Variants in MAST4 observed in about 807,000 individuals in gnomAD.
The protein encoded by MAST4 is microtubule associated serine/threonine kinase family member 4.
A neutral mutation model predicts 162.7 loss-of-function variants in MAST4; 89 were observed. That is an observed-to-expected ratio of 0.55 (90% CI 0.46 to 0.65). The LOEUF (loss-of-function observed/expected upper bound fraction) is 0.65. Ranked by LOEUF, MAST4 falls within the 30% of genes least tolerant of loss-of-function variation. The pLI is 0.00. For synonymous variants in MAST4, 1,479 were observed against 1,361.1 expected (o/e 1.09, Z -1.91); for missense variants, 3,153 against 3,374.0 (o/e 0.93, Z 1.62).
chr5:67,162,923 G>A, intron 28 of MAST4, 135 bp downstream of exon 28: 1 of 1,038,912 alleles, frequency 9.6e-7, no homozygotes, highest in Non-Finnish European at 1.4e-6. Context: ...GATTTATAGA[G>A]AGGTCATAAG....
intron 2 of MAST4, among the ~76,000 whole-genome samples, chr5:66,771,874 C>T (rs1245636555): frequency 6.6e-6 from 1 of 151,896 alleles, no homozygotes; most frequent in African/African-American, 2.4e-5. Flanking sequence ...CTGAAACTCT[C>T]TTTTCCTCTG....
chr5:66,730,314 AATGATG>A (rs969320725), intron 1 of MAST4, among the ~76,000 whole-genome samples: 39 of 152,278 alleles, frequency 2.6e-4, no homozygotes, highest in African/African-American at 9.4e-4. Context: ...TTAGAGGCCA[AATGATG>A]ATGATGTCAA....
rs1452427110 is a variant in MAST4 at position 67,165,760 on chromosome 5, C to T, written c.6581C>T (p.Pro2194Leu). ...CACAGTGAAAGCAGCAGCCACAAGC[C>T]CCGGCCTGGCCCTGACCCGGGCCCT... ...AAHSESSSHK[P>L]RPGPDPGPPK... The change falls in exon 29 of 29, where the codon CCC becomes CTC. Residue 2194 changes from proline to leucine, a missense_variant. By Grantham distance (98) the Pro-to-Leu change is moderately conservative (BLOSUM62 -3). Coordinates refer to ENST00000403625, the MANE Select transcript of MAST4 (RefSeq NM_001164664.2). The T allele has an allele frequency of 6.3e-7, 1 of 1,594,082 alleles. No individual in the cohort carries two copies. The highest frequency in any genetic ancestry group is 8.5e-7 in the Non-Finnish European group (1 of 1,170,806).
intron 1 of MAST4, among the ~76,000 whole-genome samples, chr5:66,604,819 A>G (rs942265308): frequency 1.3e-5 from 2 of 152,216 alleles, no homozygotes; most frequent in African/African-American, 4.8e-5. Flanking sequence ...ACTTGCTGCA[A>G]TGCAGGAAGG....
chr5:66,637,870 C>T (rs1423921187), intron 1 of MAST4, among the ~76,000 whole-genome samples: 1 of 151,982 alleles, frequency 6.6e-6, no homozygotes, highest in Non-Finnish European at 1.5e-5. Flanking sequence ...GCCACCACAC[C>T]CAGCTAACTT....
At position 66,716,417 on chromosome 5, in the gene MAST4, A is replaced by G. The variant is rs369492963; in HGVS notation, c.364-43292A>G. Among the ~76,000 whole-genome samples, 29 of 152,120 alleles carry G rather than the reference A, an allele frequency of 1.9e-4. No individual in the cohort carries two copies. In the East Asian group the frequency reaches 3.7e-3, roughly 19 times the overall value. The stretch of plus-strand genomic sequence containing the variant: ...GCCCAGCCTGGAGTGCAATGATGCA[A>G]TCACACTTACTTTGAACTCATGAGC... On this transcript the variant is annotated intron_variant, in intron 1 of 28. Coordinates refer to ENST00000403625, the MANE Select transcript of MAST4 (RefSeq NM_001164664.2).
At chr5:66,980,766 A>G (rs969584543) in intron 4 of MAST4, among the ~76,000 whole-genome samples, 1 of 152,218 alleles carries the variant, frequency 6.6e-6, no homozygotes, top group African/African-American at 2.4e-5. Flanking sequence ...CCTTTCAGTT[A>G]TCACTCTTCT....
chr5:66,621,361 A>G (rs1744065439), intron 1 of MAST4, among the ~76,000 whole-genome samples: 2 of 152,186 alleles, frequency 1.3e-5, no homozygotes, highest in Admixed American at 6.5e-5. Context: ...GCAGTGTGCT[A>G]TTGTATGAGT....
chr5:66,935,907 A>G (rs1742695752), intron 4 of MAST4, among the ~76,000 whole-genome samples: 1 of 151,910 alleles, frequency 6.6e-6, no homozygotes, highest in Non-Finnish European at 1.5e-5. Flanking sequence ...ACCTCAAATA[A>G]TCCATTTACC....
chr5:66,855,731 G>A (rs554761791), intron 3 of MAST4, among the ~76,000 whole-genome samples: 1 of 152,320 alleles, frequency 6.6e-6, no homozygotes, highest in East Asian at 1.9e-4. Flanking sequence ...GAACATGTAT[G>A]CACCACCAGC....
At chr5:66,750,874 C>T (rs539135037) in intron 1 of MAST4, among the ~76,000 whole-genome samples, 270 of 152,354 alleles carry the variant, frequency 1.8e-3, no homozygotes, top group Admixed American at 3.6e-3. Flanking sequence ...CAGCAGTAAC[C>T]TCTGCAGACT....
chr5:67,054,510 C>T lies in MAST4; in HGVS notation c.763+18C>T, dbSNP rs117789430. The T allele has an allele frequency of 4.1e-5, 65 of 1,579,436 alleles. No individual in the cohort carries two copies. In the East Asian group the frequency reaches 1.3e-3, roughly 31 times the overall value. Reference sequence around the variant, plus strand: ...TCATGCAGGTAATTGGTTACCATTTCTTGAGTTTTGTTTTATTTCTTTATT... The same window carrying T: ...TCATGCAGGTAATTGGTTACCATTTTTTGAGTTTTGTTTTATTTCTTTATT... On this transcript the variant is annotated intron_variant, in intron 5 of 28. Transcript: ENST00000403625.
intron 7 of MAST4, among the ~76,000 whole-genome samples, chr5:67,099,511 G>A (rs1764801457): frequency 6.6e-6 from 1 of 151,994 alleles, no homozygotes; most frequent in Admixed American, 6.6e-5. Context: ...TAAAAAAAAT[G>A]CTTACTAGAA....
chr5:66,834,120 C>A (rs1020695283), intron 3 of MAST4, among the ~76,000 whole-genome samples: 10 of 152,134 alleles, frequency 6.6e-5, no homozygotes, highest in African/African-American at 2.4e-4. Flanking sequence ...CAGGCAGGGT[C>A]CAGGCAATGA....
chr5:67,134,507 T>C lies in MAST4; in HGVS notation c.2227-16T>C. On this transcript the variant is annotated splice_polypyrimidine_tract_variant and intron_variant, in intron 17 of 28. Coordinates refer to ENST00000403625, the MANE Select transcript of MAST4 (RefSeq NM_001164664.2). ...TCTAATATTCCAATTATTCTAATAT[T>C]GCAATTATCTTTTAGGTCTGTGGCA... 11 of 1,603,768 alleles carry C rather than the reference T, an allele frequency of 6.9e-6. No homozygotes were observed. Among genetic ancestry groups the C allele is most frequent in the Non-Finnish European group, 9.4e-6 (11 of 1,174,076 alleles).
chr5:66,961,627 A>AT (rs1208933934), intron 4 of MAST4, among the ~76,000 whole-genome samples: 7 of 152,284 alleles, frequency 4.6e-5, no homozygotes, highest in South Asian at 2.1e-4. Context: ...AGAAAGGTAG[A>AT]TTTTTTTGTT....
At chr5:66,743,701 A>G (rs1479312074) in intron 1 of MAST4, among the ~76,000 whole-genome samples, 4 of 152,234 alleles carry the variant, frequency 2.6e-5, no homozygotes, top group African/African-American at 9.6e-5. Context: ...ACAGGAGGAT[A>G]GCAGGGCAGA....
chr5:66,655,787 G>T (rs557122942), intron 1 of MAST4, among the ~76,000 whole-genome samples: 1 of 152,294 alleles, frequency 6.6e-6, no homozygotes, highest in South Asian at 2.1e-4. Flanking sequence ...TCATACTGTG[G>T]AAATTGCCTC....
chr5:66,857,743 A>G (rs1488751342), intron 3 of MAST4, among the ~76,000 whole-genome samples: 1 of 152,094 alleles, frequency 6.6e-6, no homozygotes, highest in Non-Finnish European at 1.5e-5. Context: ...CCCTTTTGCT[A>G]TTAATGTATC....
Sources: allele counts gnomAD v4.1 joint callset (sites outside exome capture counted in the v4.1 genomes callset), GRCh38; gene constraint gnomAD v4.1.1; transcripts MANE v1.5; gene names NCBI Gene and HGNC (gene_info 2026-07-23, HGNC 2026-07-21).